ADAM23: variants seen among roughly 807,000 people sequenced by gnomAD.
ADAM23 encodes the protein disintegrin and metalloproteinase domain-containing protein 23.
A neutral mutation model predicts 120.1 loss-of-function variants in ADAM23; 33 were observed. That is an observed-to-expected ratio of 0.27 (90% confidence interval 0.21 to 0.37). ADAM23 has a LOEUF of 0.37. ADAM23 is among the 10% of genes least tolerant of loss of function. ADAM23 has a pLI of 1.00. For missense variants in ADAM23, 862 were observed against 1,058.2 expected (o/e 0.81, Z 2.57); for synonymous variants, 367 against 375.2 (o/e 0.98, Z 0.25).
chr2:206,561,288 C>T lies in ADAM23; in HGVS notation c.1254+76C>T, dbSNP rs189939596. ...CTATGGCCCAGTTTACATCCTTTCT[C>T]GTGCTTGTTTAGAATGATGACATGG... is the stretch of plus-strand genomic sequence containing the variant. On this transcript the variant is annotated intron_variant, in intron 12 of 25. Coordinates refer to ENST00000264377, the MANE Select transcript of ADAM23 (RefSeq NM_003812.4). 3,317 of 1,271,808 alleles carry T rather than the reference C, an allele frequency of 2.6e-3. 9 individuals carry two copies. Among genetic ancestry groups the T allele is most frequent in the Non-Finnish European group, 3.2e-3 (2,801 of 876,384 alleles). The allele number at this position is 1,271,808 out of a possible 1,614,324, so 78.8% of individuals were successfully genotyped here.
chr2:206,572,996 A>C (rs1277671441), intron 17 of ADAM23, 119 bp from the exon 18 acceptor site: 3 of 995,918 alleles, frequency 3.0e-6, no homozygotes, highest in East Asian at 4.9e-5. Context: ...GCTAATTCTT[A>C]AAAAGAGTTT....
chr2:206,608,660 A>G (rs1308831796), intron 24 of ADAM23, among the ~76,000 whole-genome samples: 1 of 152,066 alleles, frequency 6.6e-6, no homozygotes, highest in Admixed American at 6.5e-5. Context: ...TCACAAGCCC[A>G]GGAGCCTAAA....
intron 2 of ADAM23, among the ~76,000 whole-genome samples, chr2:206,479,847 T>G (rs556078225): frequency 3.9e-4 from 60 of 152,334 alleles, no homozygotes; most frequent in African/African-American, 1.4e-3. Flanking sequence ...ATTTAATATT[T>G]GTTAATTTCC....
chr2:206,513,071 C>G (rs1696659037), intron 3 of ADAM23, among the ~76,000 whole-genome samples: 1 of 152,056 alleles, frequency 6.6e-6, no homozygotes, highest in South Asian at 2.1e-4. Flanking sequence ...TCTCTGGCCT[C>G]CTTATTCCAT....
intron 2 of ADAM23, among the ~76,000 whole-genome samples, chr2:206,456,576 T>G (rs1286658615): frequency 6.6e-6 from 1 of 152,166 alleles, no homozygotes; most frequent in Non-Finnish European, 1.5e-5. Context: ...GCCAATCATG[T>G]AAACCTTGGA....
intron 15 of ADAM23, 60 bp from the exon 16 acceptor site, chr2:206,570,680 A>T: frequency 3.7e-6 from 5 of 1,352,916 alleles, no homozygotes; most frequent in Non-Finnish European, 5.3e-6. Flanking sequence ...GGCCCAGTTG[A>T]TGTGCTGATT....
At chr2:206,456,115 G>T (rs945334628) in intron 2 of ADAM23, among the ~76,000 whole-genome samples, 4 of 152,116 alleles carry the variant, frequency 2.6e-5, no homozygotes, top group African/African-American at 9.7e-5. Context: ...AATTTATGAA[G>T]AAAAGAAGTT....
chr2:206,489,028 T>C (rs1008863796), intron 3 of ADAM23, among the ~76,000 whole-genome samples: 2 of 152,174 alleles, frequency 1.3e-5, no homozygotes, highest in Non-Finnish European at 2.9e-5. Context: ...TTTTTTCAGC[T>C]CTGCGGATTT....
At chr2:206,552,880 C>T (rs1249341687) in intron 9 of ADAM23, among the ~76,000 whole-genome samples, 3 of 151,136 alleles carry the variant, frequency 2.0e-5, no homozygotes, top group Non-Finnish European at 4.4e-5. Context: ...ATTGCCTAGG[C>T]TGGTGTTGAG....
At chr2:206,451,961 C>A (rs1454021653) in intron 2 of ADAM23, among the ~76,000 whole-genome samples, 1 of 152,142 alleles carries the variant, frequency 6.6e-6, no homozygotes, top group Non-Finnish European at 1.5e-5. Context: ...CAATGACAAC[C>A]ACATGAAGAT....
chr2:206,542,665 G>A (rs1256383573), intron 5 of ADAM23, among the ~76,000 whole-genome samples: 1 of 152,134 alleles, frequency 6.6e-6, no homozygotes, highest in Non-Finnish European at 1.5e-5. Flanking sequence ...TCGGCCATGT[G>A]ACGACAAAGA....
At chr2:206,480,670 CAT>C (rs1305526087) in intron 2 of ADAM23, among the ~76,000 whole-genome samples, 1 of 152,014 alleles carries the variant, frequency 6.6e-6, no homozygotes, top group Admixed American at 6.6e-5. Context: ...TATTTATAAA[CAT>C]ATGACTCTTA....
intron 18 of ADAM23, among the ~76,000 whole-genome samples, chr2:206,575,031 C>T (rs1332912440): frequency 6.6e-6 from 1 of 151,878 alleles, no homozygotes; most frequent in Non-Finnish European, 1.5e-5. Flanking sequence ...GTGGTAAGTA[C>T]AAAGCATAAA....
chr2:206,507,314 C>T (rs1361083905), intron 3 of ADAM23, among the ~76,000 whole-genome samples: 2 of 152,086 alleles, frequency 1.3e-5, no homozygotes, highest in African/African-American at 4.8e-5. Context: ...GCAGACTTCT[C>T]ATGCATGGGT....
In ADAM23 at chr2:206,526,141, T is replaced by TACACAC. The variant is rs59684611; in HGVS notation, c.510-4710_510-4705dup. ...TCTCATATTCAAGGATTCCAACAAA[T>TACACAC]ACACACACACACACACACACACACA... On this transcript the variant is annotated intron_variant, in intron 3 of 25. Transcript: ENST00000264377. 6.4e-4 allele frequency among the ~76,000 whole-genome samples: 93 copies of TACACAC among 145,768 alleles called. 1 individual carries two copies. In the Middle Eastern group the frequency reaches 0.011, roughly 17 times the overall value.
At chr2:206,575,720 C>T (rs1401064189) in intron 18 of ADAM23, among the ~76,000 whole-genome samples, 1 of 152,100 alleles carries the variant, frequency 6.6e-6, no homozygotes, top group Admixed American at 6.5e-5. Flanking sequence ...AGGTTACTGA[C>T]AAAATTGGGT....
chr2:206,503,959 T>A (rs1696441990), intron 3 of ADAM23, among the ~76,000 whole-genome samples: 1 of 152,146 alleles, frequency 6.6e-6, no homozygotes, highest in Non-Finnish European at 1.5e-5. Context: ...AAGGACTATT[T>A]TGAAAGGTCT....
In ADAM23 at chr2:206,522,549, T is replaced by C. The variant is rs773463934; in HGVS notation, c.510-8336T>C. 6.6e-5 allele frequency among the ~76,000 whole-genome samples: 10 copies of C among 152,210 alleles called. 1 individual carries two copies. Among genetic ancestry groups the C allele is most frequent in the Non-Finnish European group, 1.0e-4 (7 of 68,032 alleles). ...ACTGGACTTGGAAGAGAGTAGTTTC[T>C]TCTGTACAAGGTTACCAGAAGGCAA... On this transcript the variant is annotated intron_variant, in intron 3 of 25. Coordinates refer to ENST00000264377, the MANE Select transcript of ADAM23 (RefSeq NM_003812.4).
Position 206,543,708 on chromosome 2 carries a change from C to T in ADAM23, c.720+392C>T, listed in dbSNP as rs927029507. Reference sequence around the variant, plus strand: ...TGCAATTGCAGAAATATGGAACCAGCCTAAATGTCCATCAATCAGCAAGTA... The same window carrying T: ...TGCAATTGCAGAAATATGGAACCAGTCTAAATGTCCATCAATCAGCAAGTA... On this transcript the variant is annotated intron_variant, in intron 6 of 25. Transcript: ENST00000264377. Among the ~76,000 whole-genome samples the T allele has an allele frequency of 3.9e-5, 6 of 152,054 alleles. No individual in the cohort carries two copies. In the East Asian group the frequency reaches 7.7e-4, roughly 20 times the overall value.
Sources: allele counts gnomAD v4.1 joint callset (sites outside exome capture counted in the v4.1 genomes callset), GRCh38; gene constraint gnomAD v4.1.1; transcripts MANE v1.5; gene names NCBI Gene and HGNC (gene_info 2026-07-23, HGNC 2026-07-21).